ZNF248: variants seen among roughly 807,000 people sequenced by gnomAD.
ZNF248 encodes the protein KRAB protein domain.
ZNF248 carries 20 observed loss-of-function variants against 44.3 expected under a neutral mutation model. That is an observed-to-expected ratio of 0.45 (90% CI 0.32 to 0.66). ZNF248 has a LOEUF of 0.66. Among genes scored for constraint, ZNF248 ranks in the 30% least tolerant of loss-of-function variants. The pLI, the probability that ZNF248 is intolerant of heterozygous loss-of-function variation, is 0.04. For synonymous variants in ZNF248, 224 were observed against 229.0 expected (o/e 0.98, Z 0.20); for missense variants, 654 against 677.0 (o/e 0.97, Z 0.38).
rs1440513449 is a variant in ZNF248, at chr10:37,832,670, A to C, written c.685T>G (p.Phe229Val). ...NGQGFHDEAA[F>V]FTNKRSQIGE... is the part of the protein sequence containing the mutation. ...ATCTGAGATCTCTTATTTGTAAAAA[A>C]TGCTGCCTCATCATGGAAGCCTTGT... is the stretch of plus-strand genomic sequence containing the variant. The change falls in exon 6 of 6, where the codon TTT becomes GTT. Residue 229 changes from phenylalanine (F) to valine (V), a missense_variant. By Grantham distance (50) the Phe-to-Val change is conservative (BLOSUM62 -1). Transcript: ENST00000395867. The C allele has an allele frequency of 2.5e-6, 4 of 1,613,394 alleles. No individual in the cohort carries two copies. The highest frequency in any genetic ancestry group is 1.7e-5 in the Admixed American group (1 of 59,990).
At chr10:37,768,504 C>G in the ZNF248 span, among the ~76,000 whole-genome samples, 1 of 152,160 alleles carries the variant, frequency 6.6e-6, no homozygotes, top group Non-Finnish European at 1.5e-5. Flanking sequence ...AACTGAACAA[C>G]CTGCTCCTGA....
chr10:37,772,812 TA>T (rs1460117512), downstream of ZNF248, among the ~76,000 whole-genome samples: 3 of 152,198 alleles, frequency 2.0e-5, no homozygotes, highest in Non-Finnish European at 4.4e-5. Context: ...TTGAGGGAAG[TA>T]AACAGATGAA....
chr10:37,829,588 AG>A lies in ZNF248; in HGVS notation c.*2026del. The A allele has an allele frequency of 1.0e-6, 1 of 985,426 alleles. No individual in the cohort carries two copies. The highest frequency in any genetic ancestry group is 1.2e-6 in the Non-Finnish European group (1 of 829,928). The allele number at this position is 985,426 out of a possible 1,614,324, so 61.0% of individuals were successfully genotyped here. A position where few individuals can be genotyped will look rare whatever the true frequency, so the allele number is the denominator to read the frequency against. ...AAAACAGTTATTGAGGGTTATAAAA[AG>A]TCCCAGTAGAGAACAGGTATAGAGA... On this transcript the variant is annotated 3_prime_UTR_variant, in exon 6 of 6. Transcript: ENST00000395867.
At chr10:37,848,343 A>T (rs1589910283) in intron 3 of ZNF248, among the ~76,000 whole-genome samples, 1 of 152,220 alleles carries the variant, frequency 6.6e-6, no homozygotes, top group South Asian at 2.1e-4. Flanking sequence ...GAGCACTTTG[A>T]GAGGCTGAGA....
rs1406461899 is a variant in ZNF248 at position 37,832,390 on chromosome 10, T to C, written c.965A>G (p.Lys322Arg). 2.5e-6 allele frequency: 4 copies of C among 1,614,056 alleles called. No homozygotes were observed. Among genetic ancestry groups the C allele is most frequent in the South Asian group, 2.2e-5 (2 of 91,080 alleles). ...ACTCACTTTATATTCACGGAGAATC[T>C]TTCTTGTGTAAGCTCCCTGATGGAT... The part of the protein sequence containing the change: ...FIIHQGAYTR[K>R]ILREYKVSDK... The change falls in exon 6 of 6, where the codon AAG (lysine) becomes AGG (arginine). Residue 322 changes from lysine (K) to arginine (R), a missense_variant. By Grantham distance (26) the Lys-to-Arg change is conservative. Coordinates refer to ENST00000395867, the MANE Select transcript of ZNF248 (RefSeq NM_021045.3).
At chr10:37,774,331 G>T (rs764560099), downstream of ZNF248, among the ~76,000 whole-genome samples, 3 of 152,158 alleles carry the variant, frequency 2.0e-5, no homozygotes, top group Non-Finnish European at 2.9e-5. Flanking sequence ...AAATCCTACA[G>T]AAAATTAACA....
downstream of ZNF248, among the ~76,000 whole-genome samples, chr10:37,825,155 ATACT>A (rs2054177152): frequency 6.6e-6 from 1 of 152,190 alleles, no homozygotes; most frequent in Non-Finnish European, 1.5e-5. Context: ...GGTAAACTAT[ATACT>A]TAGATTTGTA....
the ZNF248 span, among the ~76,000 whole-genome samples, chr10:37,759,791 C>T: frequency 3.9e-5 from 6 of 152,206 alleles, no homozygotes; most frequent in Non-Finnish European, 7.3e-5. Flanking sequence ...AATAGAATCA[C>T]ACATAACCCC....
chr10:37,831,514 G>A lies in ZNF248; in HGVS notation c.*101C>T, dbSNP rs374715608. 24 of 1,485,196 alleles carry A rather than the reference G, an allele frequency of 1.6e-5. No individual in the cohort carries two copies. Among genetic ancestry groups the A allele is most frequent in the Non-Finnish European group, 2.1e-5 (23 of 1,119,788 alleles). 92.0% of individuals were successfully genotyped at this position (1,485,196 alleles called of 1,614,324 possible). On this transcript the variant is annotated 3_prime_UTR_variant, in exon 6 of 6. Transcript: ENST00000395867. ...TGAAAGCTTTTACATATTCAAACAAGAAGTCATTTTCTACAAATTTCTGAC... is the reference window on the plus strand; with the variant it reads ...TGAAAGCTTTTACATATTCAAACAAAAAGTCATTTTCTACAAATTTCTGAC...
chr10:37,829,745 A>ACT lies in ZNF248; in HGVS notation c.*1869_*1870insAG. The stretch of plus-strand genomic sequence containing the variant: ...TGTTACAGACATGAAAAAGCCCAGC[A>ACT]GAGTCTCTTCTCATGTCATGACAAT... On this transcript the variant is annotated 3_prime_UTR_variant, in exon 6 of 6. Transcript: ENST00000395867. The ACT allele has an allele frequency of 1.0e-6, 1 of 985,292 alleles. No individual in the cohort carries two copies. Among genetic ancestry groups the ACT allele is most frequent in the Non-Finnish European group, 1.2e-6 (1 of 829,932 alleles). 61.0% of individuals were successfully genotyped at this position (985,292 alleles called of 1,614,324 possible).
intron 6 of ZNF248, among the ~76,000 whole-genome samples, chr10:37,812,860 C>G (rs1282389185): frequency 6.6e-6 from 1 of 152,112 alleles, no homozygotes; most frequent in Non-Finnish European, 1.5e-5. Flanking sequence ...ACCACTGGCA[C>G]TGAAGATGGC....
At chr10:37,772,715 G>T (rs1779047), downstream of ZNF248, among the ~76,000 whole-genome samples, 9,107 of 152,176 alleles carry the variant, frequency 0.06, 351 homozygotes, top group Middle Eastern at 0.095. Context: ...TCACGTATTT[G>T]CTCCCTGTTG....
chr10:37,765,766 C>G, the ZNF248 span, among the ~76,000 whole-genome samples: 1 of 152,204 alleles, frequency 6.6e-6, no homozygotes, highest in East Asian at 1.9e-4. Flanking sequence ...GGGTGCAGGA[C>G]AGTGGGTGCA....
At chr10:37,853,715 GA>G (rs1230243872) in intron 3 of ZNF248, among the ~76,000 whole-genome samples, 2 of 148,724 alleles carry the variant, frequency 1.3e-5, no homozygotes, top group Non-Finnish European at 3.0e-5. Context: ...AAAAAGAAAA[GA>G]AAAAAAAAGC....
chr10:37,827,173 G>A (rs1011842288), downstream of ZNF248, among the ~76,000 whole-genome samples: 9 of 152,172 alleles, frequency 5.9e-5, no homozygotes, highest in Non-Finnish European at 1.3e-4. Context: ...TGTTTTAAGG[G>A]ATGTTATCAG....
intron 6 of ZNF248, among the ~76,000 whole-genome samples, chr10:37,815,635 G>C (rs1407227910): frequency 6.6e-6 from 1 of 151,808 alleles, no homozygotes; most frequent in Non-Finnish European, 1.5e-5. Flanking sequence ...TTCAGGGACA[G>C]TTTCTTTTCT....
At chr10:37,771,681 G>A (rs1267074195), downstream of ZNF248, among the ~76,000 whole-genome samples, 2 of 151,380 alleles carry the variant, frequency 1.3e-5, no homozygotes, top group Non-Finnish European at 2.9e-5. Context: ...GCTAAATGAT[G>A]AGTTAATGGG....
downstream of ZNF248, among the ~76,000 whole-genome samples, chr10:37,826,658 T>C (rs9418294): frequency 0.13 from 20,197 of 152,252 alleles, 1,436 homozygotes; most frequent in Admixed American, 0.2. Flanking sequence ...CCATACGTAA[T>C]AGTAGTATCA....
intron 6 of ZNF248, among the ~76,000 whole-genome samples, chr10:37,784,814 C>T (rs1334542811): frequency 2.6e-5 from 4 of 152,062 alleles, no homozygotes; most frequent in Non-Finnish European, 4.4e-5. Flanking sequence ...CTCTGCTTAC[C>T]TTGGTAAGAT....
Sources: gnomAD v4.1 joint callset for allele counts (sites outside exome capture counted in the v4.1 genomes callset) on GRCh38, gnomAD v4.1.1 for gene constraint, MANE v1.5 for transcripts, NCBI Gene and HGNC (gene_info 2026-07-23, HGNC 2026-07-21) for gene names.